Variants in MAGI2 observed in about 807,000 individuals in gnomAD.
The protein encoded by MAGI2 is membrane-associated guanylate kinase, WW and PDZ domain-containing protein 2.
A neutral mutation model predicts 133.3 loss-of-function variants in MAGI2; 35 were observed. The ratio of observed to expected loss-of-function variants is 0.26; its 90% CI spans 0.20 to 0.35. MAGI2 has a LOEUF of 0.35. MAGI2 is among the 10% of genes least tolerant of loss of function. The probability of loss-of-function intolerance (pLI) is 1.00; values close to 1 mark genes in which losing one functional copy is unlikely to be tolerated. For synonymous variants in MAGI2, 729 were observed against 710.6 expected, an observed-to-expected ratio of 1.03 and a Z score of -0.41; for missense variants, 1,636 against 1,863.4, an observed-to-expected ratio of 0.88 and a Z score of 2.25.
intron 20 of MAGI2, among the ~76,000 whole-genome samples, chr7:78,115,386 AATT>A (rs1270489207): frequency 6.6e-6 from 1 of 152,218 alleles, no homozygotes; most frequent in African/African-American, 2.4e-5. Context: ...AAGTAAATAA[AATT>A]AATGTAAATT....
At chr7:78,987,409 T>C (rs1805368059) in intron 2 of MAGI2, among the ~76,000 whole-genome samples, 1 of 152,088 alleles carries the variant, frequency 6.6e-6, no homozygotes. Flanking sequence ...TACATGTTGA[T>C]AACTAATGCT....
intron 10 of MAGI2, among the ~76,000 whole-genome samples, chr7:78,210,822 T>G (rs948047334): frequency 1.3e-5 from 2 of 152,174 alleles, no homozygotes; most frequent in Non-Finnish European, 2.9e-5. Flanking sequence ...AGACTTTTTA[T>G]TGGTTTGTCA....
chr7:78,380,752 G>A (rs1249769873), intron 6 of MAGI2, among the ~76,000 whole-genome samples: 1 of 152,112 alleles, frequency 6.6e-6, no homozygotes, highest in Non-Finnish European at 1.5e-5. Context: ...TAATTAAAAT[G>A]CTTGTAACAC....
At chr7:78,119,376 C>T (rs1820191443) in intron 20 of MAGI2, among the ~76,000 whole-genome samples, 1 of 151,650 alleles carries the variant, frequency 6.6e-6, no homozygotes. Context: ...CTGGCTAACA[C>T]GGTGAAACCC....
At chr7:79,329,752 G>A (rs548065534) in intron 1 of MAGI2, among the ~76,000 whole-genome samples, 6 of 152,130 alleles carry the variant, frequency 3.9e-5, no homozygotes, top group East Asian at 3.8e-4. Context: ...CTCATATCAC[G>A]TTATTGTGGA....
intron 10 of MAGI2, among the ~76,000 whole-genome samples, chr7:78,237,650 T>A (rs1790690871): frequency 6.6e-6 from 1 of 152,210 alleles, no homozygotes; most frequent in African/African-American, 2.4e-5. Flanking sequence ...TAGTTCTTTT[T>A]ATTTTTTTTA....
intron 1 of MAGI2, among the ~76,000 whole-genome samples, chr7:79,427,703 T>C (rs577498713): frequency 2.6e-5 from 4 of 152,284 alleles, no homozygotes; most frequent in African/African-American, 7.2e-5. Flanking sequence ...GGTTTTATTA[T>C]AGCAAATTCT....
intron 3 of MAGI2, among the ~76,000 whole-genome samples, chr7:78,530,368 ATCTTG>A (rs1306204422): frequency 1.3e-5 from 2 of 152,144 alleles, no homozygotes; most frequent in African/African-American, 4.8e-5. Flanking sequence ...TTATCACTTT[ATCTTG>A]TCTTAACTTG....
At chr7:78,476,620 G>C (rs941110047) in intron 6 of MAGI2, among the ~76,000 whole-genome samples, 1 of 151,920 alleles carries the variant, frequency 6.6e-6, no homozygotes, top group Admixed American at 6.6e-5. Context: ...ACATAGTTTA[G>C]GTATCAAAAC....
At chr7:78,228,843 C>T (rs1311580971) in intron 10 of MAGI2, among the ~76,000 whole-genome samples, 1 of 152,160 alleles carries the variant, frequency 6.6e-6, no homozygotes, top group African/African-American at 2.4e-5. Context: ...GCCGTTGTTA[C>T]CTATGGTGAA....
chr7:79,349,602 A>G (rs1486821369), intron 1 of MAGI2, among the ~76,000 whole-genome samples: 4 of 152,008 alleles, frequency 2.6e-5, no homozygotes, highest in Admixed American at 2.6e-4. Flanking sequence ...TAATTTGGTC[A>G]AGGTCCCATG....
In MAGI2 at chr7:79,076,993, C is replaced by T. The variant is rs1263230011; in HGVS notation, c.302-69787G>A. ...AAAATTCTCAGATTCTTTACTTTTC[C>T]TAAAATGCCAGGGACTGGGATATGG... On this transcript the variant is annotated intron_variant, in intron 1 of 21. Coordinates refer to ENST00000354212, the MANE Select transcript of MAGI2 (RefSeq NM_012301.4). Among the ~76,000 whole-genome samples, 3 of 152,094 alleles carry T rather than the reference C, an allele frequency of 2.0e-5. 1 individual carries two copies. Among genetic ancestry groups the T allele is most frequent in the South Asian group, 4.1e-4 (2 of 4,830 alleles).
chr7:79,256,689 C>T (rs993934226), intron 1 of MAGI2, among the ~76,000 whole-genome samples: 3 of 151,942 alleles, frequency 2.0e-5, no homozygotes, highest in Admixed American at 6.6e-5. Flanking sequence ...AGGGTTTCGC[C>T]GTGCTGCCTA....
At chr7:78,248,842 A>T (rs1306797332) in intron 10 of MAGI2, among the ~76,000 whole-genome samples, 1 of 152,174 alleles carries the variant, frequency 6.6e-6, no homozygotes, top group East Asian at 1.9e-4. Flanking sequence ...TCAAAAGCAC[A>T]GGCAATAAAA....
At chr7:78,691,966 C>A (rs139839620) in intron 2 of MAGI2, among the ~76,000 whole-genome samples, 2 of 152,158 alleles carry the variant, frequency 1.3e-5, no homozygotes, top group East Asian at 3.9e-4. Context: ...CTCCGGTGGG[C>A]ATGTTAATAA....
At chr7:78,771,718 C>T (rs937242270) in intron 2 of MAGI2, among the ~76,000 whole-genome samples, 4 of 151,698 alleles carry the variant, frequency 2.6e-5, no homozygotes, top group Admixed American at 2.0e-4. Flanking sequence ...CTTTGACATC[C>T]ATTTAAACTT....
chr7:78,611,382 A>G (rs1304198152), intron 3 of MAGI2, among the ~76,000 whole-genome samples: 1 of 152,256 alleles, frequency 6.6e-6, no homozygotes, highest in Non-Finnish European at 1.5e-5. Flanking sequence ...GACAGGGTAC[A>G]TAGAGCCCTC....
chr7:78,361,480 T>C (rs774485790), intron 7 of MAGI2, among the ~76,000 whole-genome samples: 4 of 151,644 alleles, frequency 2.6e-5, no homozygotes, highest in Admixed American at 2.6e-4. Flanking sequence ...TTTACAAATA[T>C]ATTCTCAAAG....
chr7:78,132,064 G>A lies in MAGI2; in HGVS notation c.3203+825C>T, dbSNP rs574073845. Among the ~76,000 whole-genome samples the A allele has an allele frequency of 2.6e-5, 4 of 152,180 alleles. No individual in the cohort carries two copies. The East Asian group carries it at 7.7e-4, about 29-fold the overall frequency. On this transcript the variant is annotated intron_variant, in intron 18 of 21. Transcript: ENST00000354212. ...TAACTTTTGTGTTTTTTGTAGAGGT[G>A]GGGTTTCACCACGTTGCTCAGGCTG...
Sources: allele counts gnomAD v4.1 joint callset (sites outside exome capture counted in the v4.1 genomes callset), GRCh38; gene constraint gnomAD v4.1.1; transcripts MANE v1.5; gene names NCBI Gene and HGNC (gene_info 2026-07-23, HGNC 2026-07-21).